The following ELAPOR2 variants were observed in gnomAD, a reference collection of about 807,000 sequenced individuals.
ELAPOR2 encodes the protein endosome-lysosome associated apoptosis and autophagy regulator family member 2.
Under a neutral mutation model 120.7 loss-of-function variants are expected in ELAPOR2, and 89 were observed. The observed-to-expected ratio is 0.74, with a 90% CI of 0.62 to 0.88. The LOEUF is 0.88. Among genes scored for constraint, ELAPOR2 ranks in the 40% least tolerant of loss-of-function variants. ELAPOR2 has a pLI of 0.00. For missense variants in ELAPOR2, 1,134 were observed against 1,251.6 expected (o/e 0.91, Z 1.42); for synonymous variants, 444 against 444.9 (o/e 1.00, Z 0.03).
At chr7:86,966,133 C>G (rs1231020287) in intron 1 of ELAPOR2, among the ~76,000 whole-genome samples, 1 of 152,072 alleles carries the variant, frequency 6.6e-6, no homozygotes, top group Non-Finnish European at 1.5e-5. Flanking sequence ...AAGAAGAACC[C>G]AGGCCATTCC....
At chr7:86,950,215 A>G (rs955103189) in intron 2 of ELAPOR2, among the ~76,000 whole-genome samples, 3 of 152,234 alleles carry the variant, frequency 2.0e-5, no homozygotes, top group African/African-American at 7.2e-5. Flanking sequence ...CTGTAGCTCA[A>G]TAAAGCTCCT....
At chr7:86,997,805 T>G (rs1793175036) in intron 1 of ELAPOR2, among the ~76,000 whole-genome samples, 1 of 152,192 alleles carries the variant, frequency 6.6e-6, no homozygotes, top group Non-Finnish European at 1.5e-5. Flanking sequence ...CAGTCAAGTG[T>G]TCTTCTAGTC....
At chr7:87,046,835 C>A (rs1391925106) in intron 1 of ELAPOR2, among the ~76,000 whole-genome samples, 1 of 152,148 alleles carries the variant, frequency 6.6e-6, no homozygotes, top group East Asian at 1.9e-4. Flanking sequence ...TATAAATTAC[C>A]CAGTCTTGGG....
intron 1 of ELAPOR2, among the ~76,000 whole-genome samples, chr7:87,040,321 CACAG>C (rs1794738678): frequency 6.6e-6 from 1 of 152,236 alleles, no homozygotes; most frequent in South Asian, 2.1e-4. Flanking sequence ...GGGGGCAGGG[CACAG>C]ACAAACAAAA....
At chr7:87,030,966 G>A (rs1346958619) in intron 1 of ELAPOR2, among the ~76,000 whole-genome samples, 1 of 152,172 alleles carries the variant, frequency 6.6e-6, no homozygotes, top group Non-Finnish European at 1.5e-5. Context: ...TGGCAGACAA[G>A]AGAGAATGAG....
intron 18 of ELAPOR2, among the ~76,000 whole-genome samples, chr7:86,900,983 C>G (rs945521272): frequency 6.6e-6 from 1 of 152,190 alleles, no homozygotes; most frequent in Non-Finnish European, 1.5e-5. Context: ...CAGCCACCTC[C>G]CCCAGCTTTT....
rs1789213191 is a variant in ELAPOR2, at chr7:86,909,834, G to A, written c.2337C>T (p.Ile779=). ...TACCTATGAATGTATCTGCCAGAAT[G>A]ATGGATTGTGATGATAAGGCTGCTC... ...GFRAALSSQS[I]ILADTFIGVT... is the part of the protein sequence containing the mutation. Residue 779 remains isoleucine (I), a synonymous_variant, in exon 16 of 22, where the codon ATC becomes ATT. Transcript: ENST00000450689. 1.9e-6 allele frequency: 3 copies of A among 1,611,438 alleles called. No homozygotes were observed. Among genetic ancestry groups the A allele is most frequent in the Admixed American group, 1.7e-5 (1 of 59,700 alleles).
intron 1 of ELAPOR2, among the ~76,000 whole-genome samples, chr7:86,999,030 G>C (rs1793221250): frequency 1.3e-5 from 2 of 151,696 alleles, no homozygotes; most frequent in Admixed American, 6.6e-5. Context: ...AAAGAAAAAA[G>C]TATCAAACTG....
At chr7:87,036,193 G>T (rs554984822) in intron 1 of ELAPOR2, among the ~76,000 whole-genome samples, 8 of 152,262 alleles carry the variant, frequency 5.3e-5, no homozygotes, top group Non-Finnish European at 1.2e-4. Flanking sequence ...CTCACTGTAG[G>T]CCAAGCATGG....
rs149307657 is a variant in ELAPOR2 at position 86,997,944 on chromosome 7, C to T, written c.190-32920G>A. On this transcript the variant is annotated intron_variant, in intron 1 of 21. Transcript: ENST00000450689. ...AAACACCATGTATGCGATGGGCATC[C>T]CAAGAAGCAAATTAGAGGGTAGCCA... Among the ~76,000 whole-genome samples the T allele has an allele frequency of 1.7e-3, 253 of 152,172 alleles. 2 individuals carry two copies. The highest frequency in any genetic ancestry group is 5.5e-3 in the African/African-American group (230 of 41,514).
intron 21 of ELAPOR2, among the ~76,000 whole-genome samples, chr7:86,889,660 C>T (rs1274756843): frequency 1.3e-5 from 2 of 151,934 alleles, no homozygotes; most frequent in Non-Finnish European, 2.9e-5. Context: ...CTGGAATTTT[C>T]CATGTAATGT....
In ELAPOR2 at chr7:86,944,989, C is replaced by T; in HGVS notation, c.564G>A (p.Val188=). The stretch of plus-strand genomic sequence containing the variant: ...TAAGGTGCACAGCATAGATCAAAGA[C>T]ACCGTGCAGTCATCACGATTAGATT... The part of the protein sequence containing the change: ...YIESNRDDCT[V]SLIYAVHLKK... The change falls in exon 4 of 22, where the codon GTG becomes GTA. Residue 188 remains valine, a synonymous_variant. Coordinates refer to ENST00000450689, the MANE Select transcript of ELAPOR2 (RefSeq NM_001142749.3). 6 of 1,550,854 alleles carry T rather than the reference C, an allele frequency of 3.9e-6. No individual in the cohort carries two copies. In the South Asian group the frequency reaches 4.8e-5, roughly 12 times the overall value.
At chr7:87,009,682 G>T (rs149981338) in intron 1 of ELAPOR2, among the ~76,000 whole-genome samples, 1 of 152,250 alleles carries the variant, frequency 6.6e-6, no homozygotes, top group East Asian at 1.9e-4. Flanking sequence ...GAAGAAGACT[G>T]GTGTTTCCAA....
intron 10 of ELAPOR2, among the ~76,000 whole-genome samples, chr7:86,920,612 T>C (rs535809304): frequency 6.6e-6 from 1 of 152,138 alleles, no homozygotes; most frequent in South Asian, 2.1e-4. Context: ...GTTTGGAGGA[T>C]TAATACCCTC....
chr7:87,023,729 C>CT (rs1442611239), intron 1 of ELAPOR2, among the ~76,000 whole-genome samples: 1 of 152,132 alleles, frequency 6.6e-6, no homozygotes, highest in Admixed American at 6.5e-5. Flanking sequence ...TTTGTATCCT[C>CT]TTTTATTTCA....
intron 1 of ELAPOR2, among the ~76,000 whole-genome samples, chr7:86,976,115 C>T (rs539651970): frequency 5.0e-4 from 76 of 152,272 alleles, no homozygotes; most frequent in Middle Eastern, 3.4e-3. Flanking sequence ...ACTGATTCCA[C>T]AACAACCATG....
chr7:86,916,391 C>T (rs1469259978), intron 12 of ELAPOR2, among the ~76,000 whole-genome samples: 1 of 152,062 alleles, frequency 6.6e-6, no homozygotes, highest in Non-Finnish European at 1.5e-5. Flanking sequence ...GTCATTCTAG[C>T]TTAGAGTGTC....
chr7:86,966,732 CA>C (rs1485845741), intron 1 of ELAPOR2, among the ~76,000 whole-genome samples: 1 of 152,154 alleles, frequency 6.6e-6, no homozygotes, highest in African/African-American at 2.4e-5. Flanking sequence ...GCTGGAAGTT[CA>C]AAAGCTGTAT....
intron 1 of ELAPOR2, among the ~76,000 whole-genome samples, chr7:87,052,979 G>C (rs953424434): frequency 1.3e-5 from 2 of 151,648 alleles, no homozygotes; most frequent in South Asian, 4.2e-4. Flanking sequence ...TTATTTTTTT[G>C]TAGAGACAGG....
Sources: gnomAD v4.1 joint callset for allele counts (sites outside exome capture counted in the v4.1 genomes callset) on GRCh38, gnomAD v4.1.1 for gene constraint, MANE v1.5 for transcripts, NCBI Gene and HGNC (gene_info 2026-07-23, HGNC 2026-07-21) for gene names.